Variants in CAD observed in about 807,000 individuals in gnomAD.
CAD encodes multifunctional protein CAD.
Under a neutral mutation model 237.2 loss-of-function variants are expected in CAD, and 81 were observed. That is an observed-to-expected ratio of 0.34 (90% CI 0.29 to 0.41). The LOEUF (loss-of-function observed/expected upper bound fraction) is 0.41, where lower values mean the gene tolerates loss of function less well. Ranked by LOEUF, CAD falls within the 10% of genes least tolerant of loss-of-function variation. The probability of loss-of-function intolerance (pLI) is 1.00; values close to 1 mark genes in which losing one functional copy is unlikely to be tolerated. For synonymous variants in CAD, 1,196 were observed against 1,162.8 expected (o/e 1.03, Z -0.58); for missense variants, 2,181 against 2,951.7 (o/e 0.74, Z 6.05).
At chr2:27,228,384 C>T (rs918821397) in intron 15 of CAD, among the ~76,000 whole-genome samples, 5 of 152,178 alleles carry the variant, frequency 3.3e-5, no homozygotes, top group African/African-American at 1.2e-4. Context: ...TTACCTATTG[C>T]CTCTACATAT....
chr2:27,222,478 C>T, intron 4 of CAD, 41 bp from the exon 5 acceptor site: 1 of 1,605,786 alleles, frequency 6.2e-7, no homozygotes, highest in Non-Finnish European at 8.5e-7. Flanking sequence ...ACCCACTGAG[C>T]ACAGCTGCCA....
chr2:27,224,825 G>C lies in CAD; in HGVS notation c.1335G>C (p.Gly445=). Residue 445 remains glycine (G), a synonymous_variant, in exon 10 of 44, where the codon GGG becomes GGC. Transcript: ENST00000264705. ...PNIATVQTSQ[G]LADKVYFLPI... ...TTGCCACAGTGCAGACCTCCCAGGGGCTGGCCGACAAGGTCTATTTTCTTC... is the reference window on the plus strand; with the variant it reads ...TTGCCACAGTGCAGACCTCCCAGGGCCTGGCCGACAAGGTCTATTTTCTTC... The C allele has an allele frequency of 6.2e-7, 1 of 1,614,186 alleles. No individual in the cohort carries two copies. Among genetic ancestry groups the C allele is most frequent in the South Asian group, 1.1e-5 (1 of 91,086 alleles).
Position 27,237,469 on chromosome 2 carries a change from G to A in CAD, c.4487G>A (p.Gly1496Asp). 6.2e-7 allele frequency: 1 copy of A among 1,614,174 alleles called. No individual in the cohort carries two copies. Among genetic ancestry groups the A allele is most frequent in the Non-Finnish European group, 8.5e-7 (1 of 1,180,002 alleles). The change falls in exon 28 of 44, where the codon GGT becomes GAT. Residue 1496 changes from glycine to aspartate, a missense_variant. Coordinates refer to ENST00000264705, the MANE Select transcript of CAD (RefSeq NM_004341.5). This position sits in a 1 kb window ranked among gnomAD's most constrained non-coding sequence, Gnocchi z 4.0. ...ASGTAAALAG[G>D]ITMVCAMPNT... ...GGCACAGCCGCTGCCCTGGCTGGGG[G>A]TATCACCATGGTGTGTGCCATGCCT...
chr2:27,219,714 C>T (rs1478175894), intron 2 of CAD, among the ~76,000 whole-genome samples: 3 of 152,080 alleles, frequency 2.0e-5, no homozygotes, highest in African/African-American at 7.2e-5. Context: ...CTCAGCCTCC[C>T]GAGTAGCTGG....
In CAD at chr2:27,236,579, AGAGG is replaced by A. The variant is rs576986022; in HGVS notation, c.4314+61_4314+64del. ...CTGCCAGTGTTGATGGGAAGAAGAA[AGAGG>A]GAGGAGTGAGTATGGAACAGCCATG... On this transcript the variant is annotated intron_variant, in intron 26 of 43. Transcript: ENST00000264705. This position sits in a 1 kb window ranked among gnomAD's most constrained non-coding sequence, Gnocchi z 4.1. 521 of 1,600,748 alleles carry A rather than the reference AGAGG, an allele frequency of 3.3e-4. No homozygotes were observed. In the African/African-American group the frequency reaches 5.8e-3, roughly 18 times the overall value.
At chr2:27,222,713 TC>T in intron 5 of CAD, 53 bp downstream of exon 5, 1 of 1,599,660 alleles carries the variant, frequency 6.3e-7, no homozygotes, top group Non-Finnish European at 8.5e-7. Context: ...GGGTGGAAGA[TC>T]TATCCCTTGG....
chr2:27,243,205 G>T lies in CAD; in HGVS notation c.6488G>T (p.Gly2163Val), dbSNP rs1310129641. 1 of 1,614,008 alleles carries T rather than the reference G, an allele frequency of 6.2e-7. No homozygotes were observed. Among genetic ancestry groups the T allele is most frequent in the Non-Finnish European group, 8.5e-7 (1 of 1,180,006 alleles). Residue 2163 changes from glycine to valine, a missense_variant, in exon 43 of 44, where the codon GGT (glycine) becomes GTT (valine). Physicochemically the swap from Gly to Val is moderately radical, Grantham distance 109. Around this residue, in one of 12 missense-constraint regions of CAD, gnomAD observed 170 missense variants for 212.1 expected, o/e 0.80. Transcript: ENST00000264705. ...GSTQEYEACF[G>V]QFILTPHIMT... ...ACCCCATCTGCTTTGCAGTGCTTTG[G>T]TCAGTTCATCCTCACTCCCCACATC...
At chr2:27,238,232 T>C in intron 30 of CAD, 45 bp downstream of exon 30, 2 of 1,603,944 alleles carry the variant, frequency 1.2e-6, no homozygotes, top group Non-Finnish European at 1.7e-6. Flanking sequence ...GCTTTCCCAG[T>C]AACACCAAAG....
At chr2:27,226,376 T>A in intron 13 of CAD, 57 bp downstream of exon 13, 1 of 1,576,046 alleles carries the variant, frequency 6.3e-7, no homozygotes, top group Non-Finnish European at 8.7e-7. Context: ...TCTTGTATAA[T>A]TTTTGGCCCT....
chr2:27,233,986 A>G lies in CAD; in HGVS notation c.3400-22A>G, dbSNP rs1395827414. 1.4e-5 allele frequency: 23 copies of G among 1,609,172 alleles called. 1 individual carries two copies. The highest frequency in any genetic ancestry group is 2.0e-5 in the Non-Finnish European group (23 of 1,176,926). ...AGAGAAGAAAGTGGCCCTATGTCCC[A>G]CTGTCTGTGTCCCCCCGCTAGGAGA... On this transcript the variant is annotated intron_variant, in intron 21 of 43. Coordinates refer to ENST00000264705, the MANE Select transcript of CAD (RefSeq NM_004341.5). This position sits in a 1 kb window ranked among gnomAD's most constrained non-coding sequence, Gnocchi z 6.3.
Position 27,223,742 on chromosome 2 carries a change from T to A in CAD, c.989T>A (p.Phe330Tyr). 6.2e-7 allele frequency: 1 copy of A among 1,613,982 alleles called. No homozygotes were observed. The change falls in exon 7 of 44, where the codon TTC (phenylalanine) becomes TAC (tyrosine). Residue 330 changes from phenylalanine (F) to tyrosine (Y), a missense_variant. Around this residue, in one of 12 missense-constraint regions of CAD, gnomAD observed 129 missense variants for 143.3 expected, o/e 0.90. Transcript: ENST00000264705. Reference protein sequence around the residue: ...NEGIVHNSLPFFSVQFHPEHQ... With the variant: ...NEGIVHNSLPYFSVQFHPEHQ... ...GGCATTGTGCACAACAGCTTGCCTT[T>A]CTTCAGGTGAGCCTGGTTGACTGGG...
Position 27,242,202 on chromosome 2 carries a change from TGTGTTTTGG to T in CAD, c.6096+81_6096+89del. On this transcript the variant is annotated intron_variant, in intron 39 of 43. Transcript: ENST00000264705. This position sits in a 1 kb window ranked among gnomAD's most constrained non-coding sequence, Gnocchi z 6.4. ...TGAGAACCCTTCTGCCCACGTTTTC[TGTGTTTTGG>T]GCCAGATGAGTGAGGGGACCCCAGA... 6.3e-7 allele frequency: 1 copy of T among 1,587,046 alleles called. No individual in the cohort carries two copies. The highest frequency in any genetic ancestry group is 8.6e-7 in the Non-Finnish European group (1 of 1,163,222).
At chr2:27,223,856 C>T (rs1675300736) in intron 7 of CAD, 61 bp from the exon 8 acceptor site, 14 of 1,546,916 alleles carry the variant, frequency 9.1e-6, no homozygotes, top group South Asian at 8.9e-5. Flanking sequence ...CTACCCACCT[C>T]GAGGCTGCCA....
chr2:27,223,749 G>C lies in CAD; in HGVS notation c.995+1G>C. 6.2e-7 allele frequency: 1 copy of C among 1,613,818 alleles called. No individual in the cohort carries two copies. The highest frequency in any genetic ancestry group is 8.5e-7 in the Non-Finnish European group (1 of 1,179,716). ...TGCACAACAGCTTGCCTTTCTTCAG[G>C]TGAGCCTGGTTGACTGGGTCTGTGA... On this transcript the variant is annotated splice_donor_variant, in intron 7 of 43. Coordinates refer to ENST00000264705, the MANE Select transcript of CAD (RefSeq NM_004341.5). LOFTEE classifies it high-confidence loss of function.
chr2:27,241,185 G>A lies in CAD; in HGVS notation c.5766G>A (p.Val1922=), dbSNP rs760516213. 68 of 1,612,916 alleles carry A rather than the reference G, an allele frequency of 4.2e-5. No individual in the cohort carries two copies. The highest frequency in any genetic ancestry group is 8.4e-5 in the Admixed American group (5 of 59,830). Residue 1922 remains valine (V), a synonymous_variant, in exon 37 of 44, where the codon GTG becomes GTA. Transcript: ENST00000264705. This position sits in a 1 kb window ranked among gnomAD's most constrained non-coding sequence, Gnocchi z 4.6. The part of the protein sequence containing the change: ...PQTSPLLHSL[V]GQHILSVQQF... ...CCTCACCCCTGCTGCACTCATTAGT[G>A]GGCCAACATATCCTGTCCGTCCAGC...
chr2:27,243,840 A>C lies in CAD; in HGVS notation c.*322A>C. ...TTTAGAAAATTGAGCAGATTCCCAA[A>C]TTATAAGAGCAGCCTCACCAGGCAG... On this transcript the variant is annotated 3_prime_UTR_variant, in exon 44 of 44. Transcript: ENST00000264705. The C allele has an allele frequency of 3.4e-6, 1 of 293,464 alleles. No homozygotes were observed. The highest frequency in any genetic ancestry group is 6.8e-5 in the East Asian group (1 of 14,722). 18.2% of individuals were successfully genotyped at this position (293,464 alleles called of 1,614,324 possible). A position where few individuals can be genotyped will look rare whatever the true frequency, so the allele number is the denominator to read the frequency against.
In CAD at chr2:27,241,278, A is replaced by G. The variant is rs946578789; in HGVS notation, c.5809-44A>G. 6.8e-6 allele frequency: 11 copies of G among 1,613,740 alleles called. No homozygotes were observed. Among genetic ancestry groups the G allele is most frequent in the African/African-American group, 2.7e-5 (2 of 74,892 alleles). On this transcript the variant is annotated intron_variant, in intron 37 of 43. Transcript: ENST00000264705. This position sits in a 1 kb window ranked among gnomAD's most constrained non-coding sequence, Gnocchi z 4.6. ...CACCCAGAGCTTTGAGGATTTGGAA[A>G]GCTGGGGCTAGGACCTTTCTAGCTA...
chr2:27,243,636 T>A lies in CAD; in HGVS notation c.*118T>A. 1 of 795,218 alleles carries A rather than the reference T, an allele frequency of 1.3e-6. No homozygotes were observed. The highest frequency in any genetic ancestry group is 2.0e-6 in the Non-Finnish European group (1 of 490,462). 49.3% of individuals were successfully genotyped at this position (795,218 alleles called of 1,614,324 possible). A position where few individuals can be genotyped will look rare whatever the true frequency, so the allele number is the denominator to read the frequency against. ...GGACATCCAGATAGCTCACATGTGC[T>A]GACCACACTTCAGGCTCTGGACTGG... On this transcript the variant is annotated 3_prime_UTR_variant, in exon 44 of 44. Transcript: ENST00000264705.
intron 13 of CAD, 40 bp downstream of exon 13, chr2:27,226,359 C>A (rs1046546658): frequency 6.3e-7 from 1 of 1,592,494 alleles, no homozygotes; most frequent in Admixed American, 1.7e-5. Flanking sequence ...TAGTTGTTAC[C>A]CCCTCTTCTT....
Sources: allele counts gnomAD v4.1 joint callset (sites outside exome capture counted in the v4.1 genomes callset), GRCh38; gene constraint gnomAD v4.1.1; regional missense constraint gnomAD v4.1.1; non-coding constraint Gnocchi (gnomAD v3.1); transcripts MANE v1.5; gene names NCBI Gene and HGNC (gene_info 2026-07-23, HGNC 2026-07-21).